DCDC1: variants seen among roughly 807,000 people sequenced by gnomAD.
The protein encoded by DCDC1 is doublecortin domain-containing protein 1.
Under a neutral mutation model 178.3 loss-of-function variants are expected in DCDC1, and 200 were observed. The ratio of observed to expected loss-of-function variants is 1.12; its 90% CI spans 1.00 to 1.26. The LOEUF (loss-of-function observed/expected upper bound fraction) is 1.26, where lower values mean the gene tolerates loss of function less well. Ranked by LOEUF, DCDC1 falls within the 50% of genes most tolerant of loss-of-function variation. The probability of loss-of-function intolerance (pLI) is 0.00; values close to 1 mark genes in which losing one functional copy is unlikely to be tolerated. For missense variants in DCDC1, 1,983 were observed against 1,749.2 expected, an observed-to-expected ratio of 1.13 and a Z score of -2.38; for synonymous variants, 690 against 604.8, an observed-to-expected ratio of 1.14 and a Z score of -2.07.
intron 6 of DCDC1, among the ~76,000 whole-genome samples, chr11:31,292,669 A>G (rs1947317356): frequency 6.6e-6 from 1 of 152,104 alleles, no homozygotes; most frequent in African/African-American, 2.4e-5. Flanking sequence ...AATGATGGAA[A>G]TATTTTGGAA....
intron 9 of DCDC1, among the ~76,000 whole-genome samples, chr11:31,201,673 A>G (rs1971302720): frequency 6.6e-6 from 1 of 152,144 alleles, no homozygotes; most frequent in Non-Finnish European, 1.5e-5. Context: ...AAAAAAAAAA[A>G]AAGACAATGA....
chr11:30,960,092 A>G (rs1949008017), intron 20 of DCDC1, among the ~76,000 whole-genome samples: 1 of 152,180 alleles, frequency 6.6e-6, no homozygotes, highest in Non-Finnish European at 1.5e-5. Context: ...GTAGTATGCC[A>G]TAAAAGAGTC....
chr11:31,007,690 G>T (rs1293565617), intron 20 of DCDC1, among the ~76,000 whole-genome samples: 2 of 151,736 alleles, frequency 1.3e-5, no homozygotes, highest in African/African-American at 4.8e-5. Flanking sequence ...TTGAGACGGA[G>T]TCTCACTGTG....
intron 2 of DCDC1, among the ~76,000 whole-genome samples, chr11:31,331,871 T>C (rs1950009040): frequency 6.6e-6 from 1 of 152,150 alleles, no homozygotes; most frequent in African/African-American, 2.4e-5. Flanking sequence ...CAGGTTTTGG[T>C]ATCAGGATGA....
At chr11:31,053,097 G>A (rs907208206) in intron 20 of DCDC1, among the ~76,000 whole-genome samples, 3 of 151,818 alleles carry the variant, frequency 2.0e-5, no homozygotes, top group African/African-American at 7.3e-5. Flanking sequence ...TAAGATTAAC[G>A]AAGAAAAGAG....
chr11:30,947,485 G>T (rs1948123501), intron 21 of DCDC1, among the ~76,000 whole-genome samples: 1 of 152,124 alleles, frequency 6.6e-6, no homozygotes, highest in African/African-American at 2.4e-5. Flanking sequence ...TCAATAAATG[G>T]TGCTGGGGGA....
intron 8 of DCDC1, among the ~76,000 whole-genome samples, chr11:31,259,310 A>T (rs923067539): frequency 2.6e-5 from 4 of 152,052 alleles, no homozygotes; most frequent in African/African-American, 9.7e-5. Context: ...CCAAGATCAC[A>T]CCACTGCACT....
rs1018159231 is a variant in DCDC1, at chr11:31,142,918, G to C, written c.1222-5134C>G. Reference sequence around the variant, plus strand: ...AAAATTGTAGCTGTGGGCAAGGAGGGTATTGGGAACCTGAGCTGAACCAAA... The same window carrying C: ...AAAATTGTAGCTGTGGGCAAGGAGGCTATTGGGAACCTGAGCTGAACCAAA... On this transcript the variant is annotated intron_variant, in intron 9 of 38. Coordinates refer to ENST00000684477, the MANE Select transcript of DCDC1 (RefSeq NM_001387274.1). Among the ~76,000 whole-genome samples the C allele has an allele frequency of 3.9e-5, 6 of 152,180 alleles. No homozygotes were observed. The East Asian group carries it at 1.2e-3, about 29-fold the overall frequency.
At chr11:31,275,071 C>T (rs1591613021) in intron 7 of DCDC1, among the ~76,000 whole-genome samples, 1 of 152,034 alleles carries the variant, frequency 6.6e-6, no homozygotes, top group Non-Finnish European at 1.5e-5. Flanking sequence ...TGGTTTTGCT[C>T]ACCACCATAT....
intron 36 of DCDC1, chr11:30,882,239 A>G (rs917187063): frequency 6.6e-6 from 1 of 152,242 alleles, no homozygotes; most frequent in African/African-American, 2.4e-5. Flanking sequence ...TGGCAAATGC[A>G]TCAGGAATAT....
chr11:30,888,253 C>T (rs1943481172), intron 36 of DCDC1, among the ~76,000 whole-genome samples: 1 of 152,098 alleles, frequency 6.6e-6, no homozygotes, highest in South Asian at 2.1e-4. Context: ...ACCTACGCAT[C>T]TTGTAAAGCT....
intron 9 of DCDC1, among the ~76,000 whole-genome samples, chr11:31,194,530 C>A (rs1283391730): frequency 2.6e-5 from 4 of 151,940 alleles, no homozygotes; most frequent in Non-Finnish European, 5.9e-5. Flanking sequence ...TAACTGAGAC[C>A]ATATTTTTAT....
chr11:31,223,715 T>C (rs1459412632), intron 9 of DCDC1, among the ~76,000 whole-genome samples: 1 of 152,176 alleles, frequency 6.6e-6, no homozygotes, highest in Non-Finnish European at 1.5e-5. Flanking sequence ...AGCATAAATA[T>C]GTCTCATAAA....
At chr11:31,262,246 A>G (rs1433779171) in intron 8 of DCDC1, among the ~76,000 whole-genome samples, 2 of 151,352 alleles carry the variant, frequency 1.3e-5, no homozygotes, top group Admixed American at 6.6e-5. Flanking sequence ...CAGCCTGGGC[A>G]ACAGAGCAAG....
At chr11:31,264,567 C>T (rs146357976) in intron 8 of DCDC1, among the ~76,000 whole-genome samples, 3 of 152,312 alleles carry the variant, frequency 2.0e-5, no homozygotes, top group Non-Finnish European at 4.4e-5. Flanking sequence ...AATTACCTAA[C>T]TTCTCTGTAC....
intron 3 of DCDC1, among the ~76,000 whole-genome samples, chr11:31,317,485 G>A (rs1231743258): frequency 1.8e-5 from 1 of 54,158 alleles, no homozygotes; most frequent in Admixed American, 2.1e-4. Context: ...AAGAATGCTT[G>A]TGATTCTTGT....
chr11:31,342,335 C>T (rs1435920035), intron 1 of DCDC1, among the ~76,000 whole-genome samples: 1 of 152,174 alleles, frequency 6.6e-6, no homozygotes, highest in Non-Finnish European at 1.5e-5. Context: ...CACTTTCTAA[C>T]TATGTGGCCT....
chr11:30,928,296 A>T, intron 22 of DCDC1, among the ~76,000 whole-genome samples: 1 of 152,040 alleles, frequency 6.6e-6, no homozygotes, highest in African/African-American at 2.4e-5. Context: ...GCAGATGCCC[A>T]ATCTTGAACT....
intron 38 of DCDC1, among the ~76,000 whole-genome samples, chr11:30,871,870 A>G (rs906279791): frequency 6.7e-6 from 1 of 148,608 alleles, no homozygotes; most frequent in Non-Finnish European, 1.5e-5. Context: ...AGACACACAT[A>G]TACATATGTA....
Sources: allele counts gnomAD v4.1 joint callset (sites outside exome capture counted in the v4.1 genomes callset), GRCh38; gene constraint gnomAD v4.1.1; transcripts MANE v1.5; gene names NCBI Gene and HGNC (gene_info 2026-07-23, HGNC 2026-07-21).